Variants in RBM5 observed in about 807,000 individuals in gnomAD.
RBM5 encodes RNA binding motif protein 5, also known as RNA-binding protein 5.
A neutral mutation model predicts 124.6 loss-of-function variants in RBM5; 15 were observed. That is an observed-to-expected ratio of 0.12 (90% CI 0.08 to 0.19). The LOEUF is 0.19. RBM5 is among the 10% of genes least tolerant of loss of function. RBM5 has a pLI of 1.00. For synonymous variants in RBM5, 337 were observed against 361.2 expected (o/e 0.93, Z 0.76); for missense variants, 580 against 1,026.5 (o/e 0.57, Z 5.94).
chr3:50,115,314 G>T, intron 20 of RBM5, 114 bp from the exon 21 acceptor site: 2 of 1,208,742 alleles, frequency 1.7e-6, no homozygotes, highest in Non-Finnish European at 2.4e-6. Flanking sequence ...AGTGTGACAT[G>T]CAGTAATGGG....
intron 14 of RBM5, among the ~76,000 whole-genome samples, 159 bp from the exon 15 acceptor site, chr3:50,109,444 A>G (rs2091102789): frequency 6.6e-6 from 1 of 152,244 alleles, no homozygotes; most frequent in Admixed American, 6.5e-5. Flanking sequence ...TTATAAGAAA[A>G]TGAAAATGTC....
rs1468237584 is a variant in RBM5, at chr3:50,093,772, A to G, written c.236A>G (p.Asp79Gly). 1 of 1,614,032 alleles carries G rather than the reference A, an allele frequency of 6.2e-7. No individual in the cohort carries two copies. Among genetic ancestry groups the G allele is most frequent in the Admixed American group, 1.7e-5 (1 of 60,012 alleles). Residue 79 changes from aspartate to glycine, a missense_variant, in exon 4 of 25, where the codon GAT becomes GGT. Transcript: ENST00000347869. ...CGATCCGAAGATGGCTACCATTCAG[A>G]TGGTGACTATGGTGAGCACGACTAT... Reference protein sequence around the residue: ...SDRSEDGYHSDGDYGEHDYRH... With the variant: ...SDRSEDGYHSGGDYGEHDYRH...
rs1213933991 is a variant in RBM5, at chr3:50,105,517, A to C, written c.695-32A>C. ...TTTGGTACATTGGTGGTGGGAATGC[A>C]TGTGTATGTCATTTGTCTCATTTAC... On this transcript the variant is annotated intron_variant, in intron 9 of 24. Coordinates refer to ENST00000347869, the MANE Select transcript of RBM5 (RefSeq NM_005778.4). 8 of 1,602,536 alleles carry C rather than the reference A, an allele frequency of 5.0e-6. No individual in the cohort carries two copies. The Admixed American group carries it at 6.7e-5, about 13-fold the overall frequency.
chr3:50,107,672 CTTTTTTTTTTTTTTTTTT>C (rs71080575), intron 12 of RBM5, 103 bp downstream of exon 12: 51 of 104,896 alleles, frequency 4.9e-4, no homozygotes, highest in Middle Eastern at 5.0e-3. Context: ...CTTTTCTTTT[CTTTTTTTTTTTTTTTTTT>C]TTTTTTTTTT....
intron 12 of RBM5, 118 bp from the exon 13 acceptor site, chr3:50,107,952 C>G (rs2091070312): frequency 1.6e-5 from 14 of 863,504 alleles, no homozygotes; most frequent in Non-Finnish European, 2.7e-5. Flanking sequence ...TCCCAAAGTG[C>G]TGGGATTACA....
chr3:50,113,554 T>C lies in RBM5; in HGVS notation c.1617+10T>C. 1 of 1,604,570 alleles carries C rather than the reference T, an allele frequency of 6.2e-7. No homozygotes were observed. The highest frequency in any genetic ancestry group is 1.7e-4 in the Middle Eastern group (1 of 5,986). On this transcript the variant is annotated intron_variant, in intron 18 of 24. Coordinates refer to ENST00000347869, the MANE Select transcript of RBM5 (RefSeq NM_005778.4). ...CAAAACAGCCCAGCAGGTTAGAACA[T>C]GACCCATATTTCTTTCATTGAGGTA...
intron 6 of RBM5, chr3:50,102,414 T>G (rs2090957463): frequency 6.6e-6 from 1 of 152,104 alleles, no homozygotes; most frequent in Admixed American, 6.6e-5. Context: ...TACCATCCAT[T>G]TTAGTGAAAA....
chr3:50,107,660 C>CT, intron 12 of RBM5, 91 bp downstream of exon 12: 1 of 345,082 alleles, frequency 2.9e-6, no homozygotes, highest in Non-Finnish European at 5.5e-6. Flanking sequence ...GCAGTATGAG[C>CT]TCTTTTCTTT....
chr3:50,109,687 C>T lies in RBM5; in HGVS notation c.1277C>T (p.Pro426Leu), dbSNP rs138305114. ...YNQTSNPPGS[P>L]TEEAQPSTST... Reference sequence around the variant, plus strand: ...CAAACCTCCAATCCACCTGGCTCTCCGGTAATCCTGTTGTCCTATATACAA... The same window carrying T: ...CAAACCTCCAATCCACCTGGCTCTCTGGTAATCCTGTTGTCCTATATACAA... The change falls in exon 15 of 25, where the codon CCG becomes CTG. Residue 426 changes from proline (P) to leucine (L), a missense_variant and splice_region_variant. Coordinates refer to ENST00000347869, the MANE Select transcript of RBM5 (RefSeq NM_005778.4). 108 of 1,611,456 alleles carry T rather than the reference C, an allele frequency of 6.7e-5. No homozygotes were observed. Among genetic ancestry groups the T allele is most frequent in the Non-Finnish European group, 4.8e-5 (57 of 1,177,702 alleles).
chr3:50,109,878 C>A, intron 15 of RBM5, 190 bp downstream of exon 15: 1 of 512,998 alleles, frequency 1.9e-6, no homozygotes, highest in Non-Finnish European at 3.4e-6. Context: ...TATAAAATTT[C>A]AACTGTGTAT....
At chr3:50,105,450 T>C in intron 9 of RBM5, 99 bp from the exon 10 acceptor site, 1 of 1,274,994 alleles carries the variant, frequency 7.8e-7, no homozygotes, top group Non-Finnish European at 1.1e-6. Context: ...ACTAGGAATG[T>C]CACAAATGGA....
chr3:50,105,520 T>C (rs1293274016), intron 9 of RBM5, 29 bp from the exon 10 acceptor site: 1 of 1,605,288 alleles, frequency 6.2e-7, no homozygotes, highest in Non-Finnish European at 8.5e-7. Context: ...GGAATGCATG[T>C]GTATGTCATT....
At chr3:50,095,295 C>T (rs1182116552) in intron 4 of RBM5, among the ~76,000 whole-genome samples, 1 of 152,158 alleles carries the variant, frequency 6.6e-6, no homozygotes, top group Non-Finnish European at 1.5e-5. Context: ...GGTCTTCTGT[C>T]TTCATTAGCT....
intron 14 of RBM5, among the ~76,000 whole-genome samples, chr3:50,108,693 T>C: frequency 6.6e-6 from 1 of 151,000 alleles, no homozygotes; most frequent in East Asian, 2.0e-4. Context: ...GGCGACAGAG[T>C]GAGATTCTGT....
chr3:50,097,716 T>G (rs1044258363), intron 4 of RBM5, among the ~76,000 whole-genome samples: 4 of 152,182 alleles, frequency 2.6e-5, no homozygotes, highest in Non-Finnish European at 5.9e-5. Context: ...CTAGCCCCAA[T>G]TAATGTTTGA....
chr3:50,112,857 T>G (rs1212810540), intron 17 of RBM5: 1 of 152,288 alleles, frequency 6.6e-6, no homozygotes, highest in Non-Finnish European at 1.5e-5. Flanking sequence ...TAAATTTTTA[T>G]TATCATTTTT....
rs1285653002 is a variant in RBM5 at position 50,100,006 on chromosome 3, G to A, written c.364G>A (p.Glu122Lys). ...GATTCGAGAAATGATGGAGTCCTTC[G>A]AAGGCCCTCAGCCTGCGGATGTGAG... ...SDIREMMESF[E>K]GPQPADVRLM... Residue 122 changes from glutamate to lysine, a missense_variant, in exon 5 of 25, where the codon GAA becomes AAA. By Grantham distance (56) the Glu-to-Lys change is moderately conservative. Transcript: ENST00000347869. This position sits in a 1 kb window ranked among gnomAD's most constrained non-coding sequence, Gnocchi z 5.1. The A allele has an allele frequency of 3.7e-6, 6 of 1,613,690 alleles. No individual in the cohort carries two copies. The highest frequency in any genetic ancestry group is 1.3e-5 in the African/African-American group (1 of 74,888).
chr3:50,112,565 CTG>C (rs2091167994), intron 17 of RBM5: 1 of 152,354 alleles, frequency 6.6e-6, no homozygotes, highest in Non-Finnish European at 1.5e-5. Flanking sequence ...CACCTCTCCT[CTG>C]TTGCAATTCC....
In RBM5 at chr3:50,115,538, G is replaced by C; in HGVS notation, c.1950G>C (p.Leu650=). 1.2e-6 allele frequency: 2 copies of C among 1,613,990 alleles called. No homozygotes were observed. The highest frequency in any genetic ancestry group is 1.7e-6 in the Non-Finnish European group (2 of 1,180,000). The change falls in exon 21 of 25, where the codon CTG becomes CTC. Residue 650 remains leucine (L), a synonymous_variant. Coordinates refer to ENST00000347869, the MANE Select transcript of RBM5 (RefSeq NM_005778.4). ...CTGACTGGAAGAAGATGGCCTGTCT[G>C]CTCTGCCGGCGCCAGTTCCCGAACA... ...KLADWKKMAC[L]LCRRQFPNKD...
Sources: allele counts gnomAD v4.1 joint callset (sites outside exome capture counted in the v4.1 genomes callset), GRCh38; gene constraint gnomAD v4.1.1; non-coding constraint Gnocchi (gnomAD v3.1); transcripts MANE v1.5; gene names NCBI Gene and HGNC (gene_info 2026-07-23, HGNC 2026-07-21).